NBPF6: variants seen among roughly 807,000 people sequenced by gnomAD.
NBPF6 encodes NBPF member 6.
A neutral mutation model predicts 20.8 loss-of-function variants in NBPF6; 2 were observed. The observed-to-expected ratio is 0.10, with a 90% CI of 0.04 to 0.30. The LOEUF (loss-of-function observed/expected upper bound fraction) is 0.30, where lower values mean the gene tolerates loss of function less well. NBPF6 is among the 10% of genes least tolerant of loss of function. NBPF6 has a pLI of 1.00. For synonymous variants in NBPF6, 24 were observed against 100.0 expected, an observed-to-expected ratio of 0.24 and a Z score of 4.53; for missense variants, 85 against 260.3, an observed-to-expected ratio of 0.33 and a Z score of 4.63.
intron 14 of NBPF6, among the ~76,000 whole-genome samples, chr1:108,467,921 G>C (rs1653230661): frequency 6.8e-6 from 1 of 147,668 alleles, no homozygotes; most frequent in African/African-American, 2.6e-5. Context: ...CCACAGGAGA[G>C]CCAGGCCTCC....
chr1:108,438,275 CACAT>C, the NBPF6 span, among the ~76,000 whole-genome samples: 15 of 56,580 alleles, frequency 2.7e-4, no homozygotes, highest in African/African-American at 8.8e-4. Flanking sequence ...AATTCCTAGA[CACAT>C]ACAACCTACC....
At chr1:108,448,093 C>G (rs74358096), upstream of NBPF6, among the ~76,000 whole-genome samples, 10,674 of 119,258 alleles carry the variant, frequency 0.09, 898 homozygotes, top group East Asian at 0.19. Flanking sequence ...CTGAGTTCAG[C>G]GTGTGATGAG....
At chr1:108,429,601 G>T in the NBPF6 span, among the ~76,000 whole-genome samples, 7 of 148,398 alleles carry the variant, frequency 4.7e-5, no homozygotes, top group South Asian at 1.5e-3. Context: ...TCATTCAGGA[G>T]CATGTTGTTC....
chr1:108,469,242 C>T (rs1653324420), intron 14 of NBPF6, among the ~76,000 whole-genome samples: 1 of 151,494 alleles, frequency 6.6e-6, no homozygotes, highest in Non-Finnish European at 1.5e-5. Context: ...TAATACCTGC[C>T]ATATTACATA....
chr1:108,426,446 T>TAAAC, the NBPF6 span, among the ~76,000 whole-genome samples: 6,002 of 88,198 alleles, frequency 0.068, 1,751 homozygotes, highest in African/African-American at 0.22. Flanking sequence ...AATAAATAAA[T>TAAAC]AAACAAACAA....
the NBPF6 span, among the ~76,000 whole-genome samples, chr1:108,436,444 CTA>C: frequency 1.1e-5 from 1 of 91,812 alleles, no homozygotes; most frequent in Admixed American, 1.1e-4. Flanking sequence ...AACCTCGTCT[CTA>C]CTAAAAGCAC....
chr1:108,450,268 C>T (rs1442711689), upstream of NBPF6: 1 of 163,138 alleles, frequency 6.1e-6, no homozygotes, highest in African/African-American at 4.6e-5. Context: ...TCTAAGATTC[C>T]ATGACACCCC....
At chr1:108,429,492 T>G in the NBPF6 span, among the ~76,000 whole-genome samples, 1 of 104,290 alleles carries the variant, frequency 9.6e-6, no homozygotes, top group African/African-American at 3.4e-5. Context: ...TAACACTGCT[T>G]TTGCTGCACC....
upstream of NBPF6, among the ~76,000 whole-genome samples, chr1:108,449,442 A>C (rs1483181333): frequency 3.1e-4 from 4 of 12,804 alleles, no homozygotes; most frequent in Non-Finnish European, 4.5e-4. Context: ...ATATATATAT[A>C]TATATATATA....
the NBPF6 span, among the ~76,000 whole-genome samples, chr1:108,436,369 G>A: frequency 6.1e-5 from 5 of 81,430 alleles, no homozygotes; most frequent in African/African-American, 1.9e-4. Context: ...CTAGCACTTT[G>A]GGAGGCCGAG....
At position 108,471,377 on chromosome 1, in the gene NBPF6, G is replaced by A. The variant is rs1438630566; in HGVS notation, c.*739G>A. Among the ~76,000 whole-genome samples the A allele has an allele frequency of 2.0e-5, 3 of 152,146 alleles. No individual in the cohort carries two copies. The highest frequency in any genetic ancestry group is 7.2e-5 in the African/African-American group (3 of 41,428). Reference sequence around the variant, plus strand: ...AGGAACTCTGCAGAGTCCATGCTGTGAGCTTCCTACCTCAGCCCATCTGCA... The same window carrying A: ...AGGAACTCTGCAGAGTCCATGCTGTAAGCTTCCTACCTCAGCCCATCTGCA... On this transcript the variant is annotated 3_prime_UTR_variant, in exon 15 of 15. Transcript: ENST00000495380.
chr1:108,437,760 A>G, the NBPF6 span, among the ~76,000 whole-genome samples: 1 of 38,916 alleles, frequency 2.6e-5, no homozygotes, highest in African/African-American at 7.6e-5. Context: ...GGAAGGAAGG[A>G]AGGAAGGGAG....
chr1:108,468,461 C>CG (rs1653273653), intron 14 of NBPF6, among the ~76,000 whole-genome samples: 1 of 109,480 alleles, frequency 9.1e-6, no homozygotes, highest in African/African-American at 3.7e-5. Context: ...AACCTCTCTC[C>CG]TTTTTATTCT....
At position 108,460,554 on chromosome 1, in the gene NBPF6, AC is replaced by A. The variant is rs1415178571; in HGVS notation, c.1198+454del. ...AAAGATATTACCCAGGTTTCAAAGA[AC>A]CTAGCCTCATTCTGTATGTCTTTGA... On this transcript the variant is annotated intron_variant, in intron 10 of 14. Coordinates refer to ENST00000495380, the MANE Select transcript of NBPF6 (RefSeq NM_001143988.2). Among the ~76,000 whole-genome samples the A allele has an allele frequency of 2.6e-5, 3 of 113,944 alleles. 1 individual carries two copies. The highest frequency in any genetic ancestry group is 5.2e-5 in the Non-Finnish European group (3 of 57,846). 74.8% of individuals were successfully genotyped at this position (113,944 alleles called of 152,430 possible).
At chr1:108,448,106 T>C (rs1183141317), upstream of NBPF6, among the ~76,000 whole-genome samples, 5 of 141,326 alleles carry the variant, frequency 3.5e-5, 1 homozygote, top group African/African-American at 5.1e-5. Flanking sequence ...GTGATGAGTG[T>C]GACCATAGAC....
chr1:108,452,972 A>T (rs865831009), intron 3 of NBPF6, among the ~76,000 whole-genome samples: 7 of 48,036 alleles, frequency 1.5e-4, no homozygotes, highest in African/African-American at 5.3e-4. Context: ...GTGTGTGTGT[A>T]TGTTTGTTTG....
At chr1:108,448,469 T>C (rs1334141528), upstream of NBPF6, among the ~76,000 whole-genome samples, 1 of 145,010 alleles carries the variant, frequency 6.9e-6, no homozygotes, top group Non-Finnish European at 1.5e-5. Flanking sequence ...TAAAGCAAGG[T>C]TGCAGACACT....
the NBPF6 span, among the ~76,000 whole-genome samples, chr1:108,437,855 A>G: frequency 2.6e-5 from 1 of 37,946 alleles, no homozygotes. Context: ...AGAGAAAGAG[A>G]AAGGGAGAAA....
upstream of NBPF6, among the ~76,000 whole-genome samples, chr1:108,449,087 C>T (rs531060176): frequency 0.094 from 2,371 of 25,256 alleles, 888 homozygotes; most frequent in African/African-American, 0.16. Flanking sequence ...TGATCCAGTC[C>T]TCCTCCTTCA....
Sources: allele counts gnomAD v4.1 joint callset (sites outside exome capture counted in the v4.1 genomes callset), GRCh38; gene constraint gnomAD v4.1.1; transcripts MANE v1.5; gene names NCBI Gene and HGNC (gene_info 2026-07-23, HGNC 2026-07-21).